PPIH: variants seen among roughly 807,000 people sequenced by gnomAD.
PPIH encodes the protein peptidylprolyl isomerase H, also known as peptidyl-prolyl cis-trans isomerase H.
Under a neutral mutation model 27.6 loss-of-function variants are expected in PPIH, and 16 were observed. That is an observed-to-expected ratio of 0.58 (90% CI 0.39 to 0.88). The LOEUF is 0.88. Ranked by LOEUF, PPIH falls within the 40% of genes least tolerant of loss-of-function variation. The pLI is 0.00. For missense variants in PPIH, 155 were observed against 224.1 expected (o/e 0.69, Z 1.97); for synonymous variants, 63 against 76.1 (o/e 0.83, Z 0.90).
rs564929644 is a variant in PPIH, at chr1:42,672,587, C to A, written c.*22-3997C>A. On this transcript the variant is annotated intron_variant, in intron 9 of 9. Coordinates refer to ENST00000304979, the MANE Select transcript of PPIH (RefSeq NM_006347.4). ...CCCTATGGAGCACTTCTTTCCAGAA[C>A]CTTTGTGTTTTGCCTTCCTAGGTTC... Among the ~76,000 whole-genome samples, 5 of 152,226 alleles carry A rather than the reference C, an allele frequency of 3.3e-5. No individual in the cohort carries two copies. In the East Asian group the frequency reaches 9.7e-4, roughly 29 times the overall value.
intron 5 of PPIH, among the ~76,000 whole-genome samples, chr1:42,664,178 C>A (rs547474723): frequency 1.5e-4 from 23 of 152,296 alleles, no homozygotes; most frequent in Admixed American, 1.0e-3. Flanking sequence ...CCATAGAGAA[C>A]CAAGGCAGTT....
intron 9 of PPIH, among the ~76,000 whole-genome samples, chr1:42,670,002 T>G (rs1214290463): frequency 6.6e-6 from 1 of 152,238 alleles, no homozygotes; most frequent in Admixed American, 6.5e-5. Flanking sequence ...CACCTTTATC[T>G]GTGACCAACT....
chr1:42,672,193 TCTTATA>T (rs1210014700), intron 9 of PPIH, among the ~76,000 whole-genome samples: 3 of 152,154 alleles, frequency 2.0e-5, no homozygotes, highest in Non-Finnish European at 4.4e-5. Flanking sequence ...GGGCAGTATT[TCTTATA>T]CTTTAACGTT....
chr1:42,660,836 T>C, intron 4 of PPIH, 26 bp from the exon 5 acceptor site: 2 of 1,565,316 alleles, frequency 1.3e-6, no homozygotes, highest in Non-Finnish European at 8.7e-7. Flanking sequence ...TAAAATCTTC[T>C]CAGTATTCTT....
At chr1:42,678,351 G>A (rs78620902), downstream of PPIH, among the ~76,000 whole-genome samples, 1 of 152,130 alleles carries the variant, frequency 6.6e-6, no homozygotes, top group African/African-American at 2.4e-5. Context: ...TTCAATGCAT[G>A]GTGGTATTAG....
chr1:42,662,902 C>T (rs1438839615), intron 5 of PPIH, among the ~76,000 whole-genome samples: 3 of 152,114 alleles, frequency 2.0e-5, no homozygotes, highest in Non-Finnish European at 4.4e-5. Flanking sequence ...TCATAATTGT[C>T]CATATTTTCC....
At chr1:42,681,519 A>G (rs1650017484), downstream of PPIH, 1 of 152,228 alleles carries the variant, frequency 6.6e-6, no homozygotes, top group South Asian at 2.1e-4. Context: ...GGAGGACTTC[A>G]GTAACATCAG....
At chr1:42,679,558 T>G (rs1570409297), downstream of PPIH, among the ~76,000 whole-genome samples, 1 of 152,186 alleles carries the variant, frequency 6.6e-6, no homozygotes, top group Non-Finnish European at 1.5e-5. Context: ...ACTGGATGAG[T>G]AAGTAATGAT....
intron 9 of PPIH, among the ~76,000 whole-genome samples, chr1:42,669,092 C>G (rs1269616204): frequency 6.6e-6 from 1 of 151,282 alleles, no homozygotes; most frequent in Non-Finnish European, 1.5e-5. Flanking sequence ...TGCCTGTAGT[C>G]CCAGCTACTC....
Position 42,659,038 on chromosome 1 carries a change from C to T in PPIH, c.131+130C>T, listed in dbSNP as rs569937615. 1.9e-3 allele frequency: 2,459 copies of T among 1,306,834 alleles called. 3 individuals are homozygous for T. Among genetic ancestry groups the T allele is most frequent in the Non-Finnish European group, 2.3e-3 (2,165 of 923,488 alleles). 81.0% of individuals were successfully genotyped at this position (1,306,834 alleles called of 1,614,324 possible). ...TGAGACCTGATTCCTCCATGCATTG[C>T]TCTGTCTGGTTGCCGTTTGGATTGT... On this transcript the variant is annotated intron_variant, in intron 2 of 9. Coordinates refer to ENST00000304979, the MANE Select transcript of PPIH (RefSeq NM_006347.4).
intron 2 of PPIH, 75 bp downstream of exon 2, chr1:42,658,983 G>A (rs1648836293): frequency 2.0e-6 from 3 of 1,492,034 alleles, no homozygotes; most frequent in East Asian, 4.5e-5. Flanking sequence ...GAAATAGCCT[G>A]TCTACCTCTG....
At chr1:42,665,401 A>G (rs1213180690) in intron 6 of PPIH, among the ~76,000 whole-genome samples, 1 of 152,172 alleles carries the variant, frequency 6.6e-6, no homozygotes, top group African/African-American at 2.4e-5. Flanking sequence ...GCGAAACTCC[A>G]TCTTAAAACA....
chr1:42,661,593 CACTTCTG>C (rs1420558244), intron 5 of PPIH, among the ~76,000 whole-genome samples: 1 of 152,156 alleles, frequency 6.6e-6, no homozygotes, highest in African/African-American at 2.4e-5. Context: ...CCTTACCCCC[CACTTCTG>C]AATGGTCTTT....
chr1:42,678,660 A>G (rs1402018348), downstream of PPIH: 1 of 152,206 alleles, frequency 6.6e-6, no homozygotes, highest in Non-Finnish European at 1.5e-5. Flanking sequence ...CGGCCTCCCA[A>G]AGTGTTGGGA....
downstream of PPIH, among the ~76,000 whole-genome samples, chr1:42,677,513 TA>T (rs1232954795): frequency 6.6e-6 from 1 of 152,052 alleles, no homozygotes; most frequent in East Asian, 1.9e-4. Flanking sequence ...GTTCAACATA[TA>T]AAGATCTCAC....
chr1:42,673,087 C>T (rs1649725584), intron 9 of PPIH, among the ~76,000 whole-genome samples: 1 of 152,110 alleles, frequency 6.6e-6, no homozygotes, highest in African/African-American at 2.4e-5. Flanking sequence ...CTCGACCTCC[C>T]TGGCTCAAGT....
chr1:42,660,779 A>G (rs935264594), intron 4 of PPIH, 83 bp from the exon 5 acceptor site: 2 of 1,197,416 alleles, frequency 1.7e-6, no homozygotes, highest in South Asian at 1.5e-5. Flanking sequence ...TTTGAAATCA[A>G]CGTTAATCTA....
intron 9 of PPIH, among the ~76,000 whole-genome samples, chr1:42,676,258 G>A (rs537425875): frequency 4.6e-5 from 7 of 151,940 alleles, no homozygotes; most frequent in East Asian, 3.9e-4. Context: ...TCACAAGGTC[G>A]GGAGTTCAAG....
At chr1:42,669,737 C>T (rs1177734659) in intron 9 of PPIH, among the ~76,000 whole-genome samples, 22 of 152,204 alleles carry the variant, frequency 1.4e-4, no homozygotes, top group Non-Finnish European at 2.9e-5. Context: ...ATCAGTCTTT[C>T]ACTGCTTTTC....
Sources: allele counts gnomAD v4.1 joint callset (sites outside exome capture counted in the v4.1 genomes callset), GRCh38; gene constraint gnomAD v4.1.1; transcripts MANE v1.5; gene names NCBI Gene and HGNC (gene_info 2026-07-23, HGNC 2026-07-21).